Variants in KCNIP4 observed in about 807,000 individuals in gnomAD.
The protein encoded by KCNIP4 is potassium voltage-gated channel interacting protein 4, also known as Kv channel-interacting protein 4.
In KCNIP4, 12 loss-of-function variants were observed where a neutral mutation model predicts 34.0. That is an observed-to-expected ratio of 0.35 (90% CI 0.23 to 0.57). The LOEUF (loss-of-function observed/expected upper bound fraction) is 0.57, where lower values mean the gene tolerates loss of function less well. Ranked by LOEUF, KCNIP4 falls within the 20% of genes least tolerant of loss-of-function variation. The probability of loss-of-function intolerance (pLI) is 0.83; values close to 1 mark genes in which losing one functional copy is unlikely to be tolerated. For missense variants in KCNIP4, 238 were observed against 311.7 expected (o/e 0.76, Z 1.78); for synonymous variants, 124 against 102.2 (o/e 1.21, Z -1.29).
At chr4:21,442,999 A>G (rs1727621957) in intron 1 of KCNIP4, among the ~76,000 whole-genome samples, 1 of 152,158 alleles carries the variant, frequency 6.6e-6, no homozygotes, top group African/African-American at 2.4e-5. Context: ...TTGTTTCCAC[A>G]TTGCTTAGGC....
rs2109917227 is a variant in KCNIP4 at position 21,509,949 on chromosome 4, C to G, written c.61+438622G>C. Among the ~76,000 whole-genome samples, 2 of 151,922 alleles carry G rather than the reference C, an allele frequency of 1.3e-5. 1 individual carries two copies. Among genetic ancestry groups the G allele is most frequent in the East Asian group, 3.9e-4 (2 of 5,138 alleles). On this transcript the variant is annotated intron_variant, in intron 1 of 8. Coordinates refer to ENST00000382152, the MANE Select transcript of KCNIP4 (RefSeq NM_025221.6). ...CCTGGCCAACATGGTGAAACCCTGT[C>G]TCTATGAAAAATACAAAAATTAGCT...
chr4:21,848,946 A>ATG (rs58096642), intron 1 of KCNIP4: 3,728 of 128,304 alleles, frequency 0.029, 91 homozygotes, highest in African/African-American at 0.062. Context: ...ATATACATAT[A>ATG]TGTGTGTGTG....
In KCNIP4 at chr4:21,659,352, T is replaced by C. The variant is rs191918961; in HGVS notation, c.61+289219A>G. Among the ~76,000 whole-genome samples the C allele has an allele frequency of 6.3e-3, 961 of 152,322 alleles. 15 individuals are homozygous for C. Among genetic ancestry groups the C allele is most frequent in the African/African-American group, 0.022 (900 of 41,578 alleles). On this transcript the variant is annotated intron_variant, in intron 1 of 8. Transcript: ENST00000382152. ...TCTTACTAAGAATCTCTCATCTCTT[T>C]ATTCATACTCCTGGATGAAGCTAAC...
chr4:21,452,013 T>G (rs1180024924), intron 1 of KCNIP4, among the ~76,000 whole-genome samples: 2 of 152,126 alleles, frequency 1.3e-5, no homozygotes, highest in Non-Finnish European at 2.9e-5. Context: ...CTTTGATAGC[T>G]AAATCAAATA....
chr4:21,682,585 A>AT (rs1247161220), intron 1 of KCNIP4, among the ~76,000 whole-genome samples: 4 of 152,266 alleles, frequency 2.6e-5, no homozygotes, highest in African/African-American at 9.6e-5. Flanking sequence ...TTGACATGAG[A>AT]TTTCAGCTAT....
chr4:21,104,482 T>C (rs1748292310), intron 1 of KCNIP4, among the ~76,000 whole-genome samples: 1 of 152,170 alleles, frequency 6.6e-6, no homozygotes, highest in Non-Finnish European at 1.5e-5. Flanking sequence ...TCTTTGTAGA[T>C]TCTGGATATT....
At chr4:21,567,382 C>A (rs1377105930) in intron 1 of KCNIP4, among the ~76,000 whole-genome samples, 1 of 152,006 alleles carries the variant, frequency 6.6e-6, no homozygotes, top group Non-Finnish European at 1.5e-5. Flanking sequence ...GGGGTCTAGA[C>A]TTATATGGAA....
At chr4:21,265,043 G>A (rs1362757063) in intron 1 of KCNIP4, among the ~76,000 whole-genome samples, 2 of 152,078 alleles carry the variant, frequency 1.3e-5, no homozygotes, top group Admixed American at 6.5e-5. Context: ...ACATTGCAGT[G>A]AGCCGAGATC....
chr4:20,834,585 A>G (rs1718819722), intron 3 of KCNIP4, among the ~76,000 whole-genome samples: 1 of 152,228 alleles, frequency 6.6e-6, no homozygotes, highest in South Asian at 2.1e-4. Flanking sequence ...TCCTCAGACC[A>G]GGAGAGGCCA....
chr4:21,629,954 G>GATCCTCCCACCT (rs1745616331), intron 1 of KCNIP4, among the ~76,000 whole-genome samples: 1 of 136,772 alleles, frequency 7.3e-6, no homozygotes, highest in Non-Finnish European at 1.5e-5. Context: ...GGTCTCAAAT[G>GATCCTCCCACCT]ATCCTCCCAC....
At chr4:21,932,379 G>A (rs1729620664) in intron 1 of KCNIP4, among the ~76,000 whole-genome samples, 1 of 152,098 alleles carries the variant, frequency 6.6e-6, no homozygotes, top group African/African-American at 2.4e-5. Flanking sequence ...AAGCCTTGAG[G>A]AAGGATGAAT....
intron 1 of KCNIP4, among the ~76,000 whole-genome samples, chr4:21,401,768 T>C (rs902770075): frequency 2.0e-5 from 3 of 152,218 alleles, no homozygotes; most frequent in Non-Finnish European, 4.4e-5. Context: ...GAGCCCATTA[T>C]ATAATTTAGC....
At chr4:20,744,464 G>T (rs1207997690) in intron 5 of KCNIP4, among the ~76,000 whole-genome samples, 11 of 151,298 alleles carry the variant, frequency 7.3e-5, no homozygotes, top group Non-Finnish European at 1.3e-4. Flanking sequence ...CATGTCCTTT[G>T]TAGGGACATG....
intron 1 of KCNIP4, among the ~76,000 whole-genome samples, chr4:21,515,516 G>A (rs1734684111): frequency 6.6e-6 from 1 of 152,096 alleles, no homozygotes; most frequent in African/African-American, 2.4e-5. Context: ...GCAGGCGCCT[G>A]TAGTCCCAGC....
At chr4:20,775,634 A>C (rs1756308602) in intron 3 of KCNIP4, among the ~76,000 whole-genome samples, 1 of 152,006 alleles carries the variant, frequency 6.6e-6, no homozygotes, top group South Asian at 2.1e-4. Flanking sequence ...GCTTGAGCCC[A>C]AGAGTTTGAG....
intron 1 of KCNIP4, among the ~76,000 whole-genome samples, chr4:21,926,034 A>G (rs1298585266): frequency 6.6e-6 from 1 of 152,212 alleles, no homozygotes; most frequent in East Asian, 1.9e-4. Flanking sequence ...AAAATGATAT[A>G]TATTCAGCTA....
At chr4:20,921,033 T>A (rs1427482276) in intron 1 of KCNIP4, among the ~76,000 whole-genome samples, 2 of 151,714 alleles carry the variant, frequency 1.3e-5, no homozygotes, top group Admixed American at 1.3e-4. Context: ...TGCCACAGGA[T>A]AGAGGAGGAA....
chr4:21,247,735 G>GATAT lies in KCNIP4; in HGVS notation c.62-365030_62-365027dup, dbSNP rs58465908. 4.6e-3 allele frequency among the ~76,000 whole-genome samples: 285 copies of GATAT among 61,358 alleles called. 11 individuals carry two copies. The highest frequency in any genetic ancestry group is 0.026 in the East Asian group (70 of 2,744). 40.3% of individuals were successfully genotyped at this position (61,358 alleles called of 152,430 possible). On this transcript the variant is annotated intron_variant, in intron 1 of 8. Coordinates refer to ENST00000382152, the MANE Select transcript of KCNIP4 (RefSeq NM_025221.6). The stretch of plus-strand genomic sequence containing the variant: ...GCAAAGCAAAAGCAATCCACAGGTG[G>GATAT]ATATATATATATATATATATATATA...
At chr4:20,916,456 G>A (rs1038534815) in intron 1 of KCNIP4, 1 of 526,546 alleles carries the variant, frequency 1.9e-6, no homozygotes, top group African/African-American at 2.1e-5. Flanking sequence ...TGCAATCTAG[G>A]AGAAAAAATA....
Sources: gnomAD v4.1 joint callset for allele counts (sites outside exome capture counted in the v4.1 genomes callset) on GRCh38, gnomAD v4.1.1 for gene constraint, MANE v1.5 for transcripts, NCBI Gene and HGNC (gene_info 2026-07-23, HGNC 2026-07-21) for gene names.